TRIM36: variants seen among roughly 807,000 people sequenced by gnomAD.
The protein encoded by TRIM36 is tripartite motif containing 36.
In TRIM36, 42 loss-of-function variants were observed where a neutral mutation model predicts 72.4. The observed-to-expected ratio is 0.58, with a 90% confidence interval of 0.45 to 0.75. The LOEUF (loss-of-function observed/expected upper bound fraction) is 0.75. Among genes scored for constraint, TRIM36 ranks in the 30% least tolerant of loss-of-function variants. The pLI, the probability that TRIM36 is intolerant of heterozygous loss-of-function variation, is 0.00. For synonymous variants in TRIM36, 315 were observed against 282.8 expected (o/e 1.11, Z -1.14); for missense variants, 913 against 857.1 (o/e 1.07, Z -0.81).
chr5:115,125,913 T>C lies in TRIM36; in HGVS notation c.*590A>G, dbSNP rs1207529529. 6.6e-6 allele frequency: 1 copy of C among 152,226 alleles called. No individual in the cohort carries two copies. The highest frequency in any genetic ancestry group is 1.5e-5 in the Non-Finnish European group (1 of 68,070). The allele number at this position is 152,226 out of a possible 1,614,324, so 9.4% of individuals were successfully genotyped here. ...TGGTCTTAACAAAACAAAACAGTAG[T>C]ATTCCTTTTCCAGGCAATATATTTT... On this transcript the variant is annotated 3_prime_UTR_variant, in exon 10 of 10. Coordinates refer to ENST00000513154, the MANE Select transcript of TRIM36 (RefSeq NM_001300759.2).
At chr5:115,142,890 C>A (rs1753350501) in intron 4 of TRIM36, among the ~76,000 whole-genome samples, 1 of 152,114 alleles carries the variant, frequency 6.6e-6, no homozygotes, top group Admixed American at 6.6e-5. Context: ...AGAAGCTTTC[C>A]TCTGGATCAG....
At chr5:115,156,308 A>G (rs1042775102) in intron 2 of TRIM36, among the ~76,000 whole-genome samples, 4 of 152,280 alleles carry the variant, frequency 2.6e-5, no homozygotes, top group African/African-American at 9.6e-5. Context: ...ATTAAAAAAA[A>G]AAAATTCTAA....
intron 2 of TRIM36, chr5:115,148,415 CTTTTTTTTTT>C (rs146223001): frequency 7.9e-6 from 4 of 507,840 alleles, no homozygotes; most frequent in Non-Finnish European, 4.6e-6. Flanking sequence ...TAAATCTGTT[CTTTTTTTTTT>C]TTTTTTTTTT....
intron 2 of TRIM36, chr5:115,149,475 T>G (rs1160759605): frequency 2.8e-5 from 4 of 143,106 alleles, no homozygotes; most frequent in Non-Finnish European, 6.0e-5. Context: ...TATGACCAAT[T>G]AAAGTAACGG....
At chr5:115,130,540 T>G (rs1275147163) in intron 9 of TRIM36, 52 bp downstream of exon 9, 1 of 1,540,198 alleles carries the variant, frequency 6.5e-7, no homozygotes, top group Non-Finnish European at 8.7e-7. Flanking sequence ...AAATCTATTT[T>G]CAGGCTTACT....
chr5:115,158,147 A>G (rs1754283559), intron 2 of TRIM36, among the ~76,000 whole-genome samples: 1 of 146,004 alleles, frequency 6.8e-6, no homozygotes, highest in South Asian at 2.2e-4. Context: ...AAGAAAGAAA[A>G]GTAATGATGG....
At chr5:115,167,902 C>A (rs957979418) in intron 1 of TRIM36, among the ~76,000 whole-genome samples, 4 of 152,182 alleles carry the variant, frequency 2.6e-5, no homozygotes, top group Non-Finnish European at 5.9e-5. Flanking sequence ...TTAATTGACT[C>A]ACAGTTCTGC....
chr5:115,140,601 C>T (rs997506649), intron 5 of TRIM36, among the ~76,000 whole-genome samples: 2 of 152,180 alleles, frequency 1.3e-5, no homozygotes, highest in African/African-American at 2.4e-5. Flanking sequence ...CTCCTCAACT[C>T]TAACATCATC....
At chr5:115,139,208 C>T (rs1446392377) in intron 5 of TRIM36, among the ~76,000 whole-genome samples, 1 of 151,202 alleles carries the variant, frequency 6.6e-6, no homozygotes, top group East Asian at 1.9e-4. Flanking sequence ...GCAACCTCTG[C>T]CTCCCGGGTT....
In TRIM36 at chr5:115,178,922, A is replaced by C. The variant is rs538657678; in HGVS notation, c.63+1053T>G. Among the ~76,000 whole-genome samples, 6 of 152,246 alleles carry C rather than the reference A, an allele frequency of 3.9e-5. 1 individual carries two copies. Among genetic ancestry groups the C allele is most frequent in the East Asian group, 1.9e-4 (1 of 5,170 alleles). On this transcript the variant is annotated intron_variant, in intron 1 of 9. Transcript: ENST00000282369. Reference sequence around the variant, plus strand: ...TCGGGCATGAATCTAAAACTACTCCATATGCTATATCTGCGGCGTTGGAGT... The same window carrying C: ...TCGGGCATGAATCTAAAACTACTCCCTATGCTATATCTGCGGCGTTGGAGT...
At chr5:115,164,473 C>T (rs1007956414) in intron 1 of TRIM36, among the ~76,000 whole-genome samples, 2 of 152,172 alleles carry the variant, frequency 1.3e-5, no homozygotes, top group African/African-American at 4.8e-5. Context: ...AAGAAACTTA[C>T]AATCATGGCA....
chr5:115,126,112 G>T lies in TRIM36; in HGVS notation c.*391C>A, dbSNP rs1037719361. ...GCATTTAAAAAATATCTTCTCTTAG[G>T]ACATAAACATGATATAAAAATGAAA... On this transcript the variant is annotated 3_prime_UTR_variant, in exon 10 of 10. Coordinates refer to ENST00000513154, the MANE Select transcript of TRIM36 (RefSeq NM_001300759.2). The T allele has an allele frequency of 2.9e-5, 5 of 173,382 alleles. No individual in the cohort carries two copies. The highest frequency in any genetic ancestry group is 5.6e-5 in the Admixed American group (1 of 17,984). 10.7% of individuals were successfully genotyped at this position (173,382 alleles called of 1,614,324 possible). A position where few individuals can be genotyped will look rare whatever the true frequency, so the allele number is the denominator to read the frequency against.
At chr5:115,177,420 C>T (rs1755384482) in intron 1 of TRIM36, 1 of 767,848 alleles carries the variant, frequency 1.3e-6, no homozygotes, top group Non-Finnish European at 1.7e-6. Flanking sequence ...CTACAGGCCT[C>T]TACTCTCTTA....
intron 1 of TRIM36, among the ~76,000 whole-genome samples, chr5:115,165,493 G>A (rs192798738): frequency 6.6e-6 from 1 of 152,334 alleles, no homozygotes; most frequent in African/African-American, 2.4e-5. Flanking sequence ...TGCACCCTCT[G>A]AGGCAATGGT....
At chr5:115,157,316 A>G (rs1484133187) in intron 2 of TRIM36, among the ~76,000 whole-genome samples, 1 of 152,146 alleles carries the variant, frequency 6.6e-6, no homozygotes, top group Non-Finnish European at 1.5e-5. Flanking sequence ...TAATCCCAAC[A>G]TTTTGGGAGG....
At chr5:115,162,089 A>T (rs1286027949) in intron 2 of TRIM36, among the ~76,000 whole-genome samples, 1 of 152,154 alleles carries the variant, frequency 6.6e-6, no homozygotes, top group Non-Finnish European at 1.5e-5. Context: ...TCTGCTAGAG[A>T]TATCCAGCAT....
chr5:115,179,355 C>T (rs1755502136), intron 1 of TRIM36, among the ~76,000 whole-genome samples: 1 of 152,248 alleles, frequency 6.6e-6, no homozygotes, highest in Admixed American at 6.5e-5. Context: ...TGAAATCCCG[C>T]TCCTCCAGCA....
intron 2 of TRIM36, among the ~76,000 whole-genome samples, chr5:115,148,521 C>G (rs1753717344): frequency 6.9e-6 from 1 of 145,448 alleles, no homozygotes; most frequent in Non-Finnish European, 1.5e-5. Context: ...AAGCAATTCT[C>G]TGCTTCAGCC....
At chr5:115,141,147 A>G (rs900582500) in intron 5 of TRIM36, 132 bp downstream of exon 5, 18 of 634,664 alleles carry the variant, frequency 2.8e-5, no homozygotes, top group Non-Finnish European at 4.5e-5. Context: ...AGCCCCAGAA[A>G]AGCAGGGGTG....
Sources: allele counts gnomAD v4.1 joint callset (sites outside exome capture counted in the v4.1 genomes callset), GRCh38; gene constraint gnomAD v4.1.1; transcripts MANE v1.5; gene names NCBI Gene and HGNC (gene_info 2026-07-23, HGNC 2026-07-21).